The following CNKSR2 variants were observed in gnomAD, a reference collection of about 807,000 sequenced individuals.
The protein encoded by CNKSR2 is CNK homolog protein 2.
A neutral mutation model predicts 84.4 loss-of-function variants in CNKSR2; 14 were observed. That is an observed-to-expected ratio of 0.17 (90% CI 0.11 to 0.26). CNKSR2 has a LOEUF of 0.26. Among genes scored for constraint, CNKSR2 ranks in the 10% least tolerant of loss-of-function variants. The pLI is 1.00. For synonymous variants in CNKSR2, 275 were observed against 277.9 expected (o/e 0.99, Z 0.10); for missense variants, 485 against 771.2 (o/e 0.63, Z 4.40).
intron 13 of CNKSR2, among the ~76,000 whole-genome samples, chrX:21,578,951 A>G (rs1372711997): frequency 8.9e-6 from 1 of 111,827 alleles, no homozygotes; most frequent in African/African-American, 3.2e-5. Context: ...AACTTCAACA[A>G]GAAGCTGGTA....
At chrX:21,552,239 T>C (rs1231227442) in intron 11 of CNKSR2, among the ~76,000 whole-genome samples, 1 of 111,668 alleles carries the variant, frequency 9.0e-6, no homozygotes, top group Non-Finnish European at 1.9e-5. Flanking sequence ...TTCTGAAAGA[T>C]AGCCTATGGA....
intron 9 of CNKSR2, among the ~76,000 whole-genome samples, chrX:21,519,713 T>G (rs2091763534): frequency 9.0e-6 from 1 of 111,224 alleles, no homozygotes; most frequent in Admixed American, 9.6e-5. Context: ...ATCTGTGGCG[T>G]TTATTTAACT....
intron 10 of CNKSR2, among the ~76,000 whole-genome samples, chrX:21,530,140 G>T (rs1223661713): frequency 9.0e-6 from 1 of 111,580 alleles, no homozygotes; most frequent in African/African-American, 3.2e-5. Context: ...CAAGCTGAAA[G>T]AAAATTCTGC....
At chrX:21,622,618 ATG>A (rs1569279751) in intron 20 of CNKSR2, among the ~76,000 whole-genome samples, 3 of 111,697 alleles carry the variant, frequency 2.7e-5, no homozygotes, top group Non-Finnish European at 5.7e-5. Context: ...AAATTACATA[ATG>A]TGTTTCTTTT....
intron 6 of CNKSR2, among the ~76,000 whole-genome samples, chrX:21,496,378 G>A (rs189128866): frequency 6.2e-4 from 69 of 111,797 alleles, no homozygotes; most frequent in African/African-American, 2.0e-3. Flanking sequence ...CCTGTCACCA[G>A]TGTAAGGCTG....
chrX:21,431,281 T>A (rs2090630738), intron 2 of CNKSR2, among the ~76,000 whole-genome samples: 1 of 111,692 alleles, frequency 9.0e-6, no homozygotes, highest in Non-Finnish European at 1.9e-5. Context: ...TTTTTCACCC[T>A]TCATCTTCCA....
chrX:21,456,319 G>A (rs1266102613), intron 4 of CNKSR2, among the ~76,000 whole-genome samples: 1 of 111,332 alleles, frequency 9.0e-6, no homozygotes, highest in African/African-American at 3.3e-5. Flanking sequence ...TAGGTCTCCA[G>A]AACTATTCAT....
chrX:21,627,653 G>T (rs1333032536), intron 20 of CNKSR2, among the ~76,000 whole-genome samples: 1 of 111,884 alleles, frequency 8.9e-6, no homozygotes, highest in Non-Finnish European at 1.9e-5. Context: ...AGAGCTTGTG[G>T]AGGGAAACTC....
chrX:21,432,573 C>A, intron 2 of CNKSR2, 39 bp from the exon 3 acceptor site: 1 of 951,491 alleles, frequency 1.1e-6, no homozygotes, highest in Non-Finnish European at 1.5e-6. Context: ...ATGAATAAAA[C>A]TGACTTTAAA....
intron 4 of CNKSR2, among the ~76,000 whole-genome samples, chrX:21,460,311 A>G (rs1165728044): frequency 1.8e-5 from 2 of 112,233 alleles, no homozygotes; most frequent in Non-Finnish European, 3.8e-5. Flanking sequence ...CATCTCTACT[A>G]TACCATTCAT....
intron 4 of CNKSR2, among the ~76,000 whole-genome samples, chrX:21,445,224 A>G (rs1447762111): frequency 9.0e-6 from 1 of 111,671 alleles, no homozygotes; most frequent in African/African-American, 3.2e-5. Context: ...GACAAGCTTT[A>G]TATGCATTTT....
rs150448026 is a variant in CNKSR2 at position 21,377,604 on chromosome X, A to G, written c.64+2643A>G. Among the ~76,000 whole-genome samples the G allele has an allele frequency of 3.9e-3, 431 of 111,873 alleles. 2 individuals are homozygous for G. Among genetic ancestry groups the G allele is most frequent in the Admixed American group, 9.0e-3 (95 of 10,569 alleles). On this transcript the variant is annotated intron_variant, in intron 1 of 21. Transcript: ENST00000379510. ...ATCCTTAGCATTAAAAGCATATAGTATATGCTTTCAGCTGGTCACAATCAT... is the reference window on the plus strand; with the variant it reads ...ATCCTTAGCATTAAAAGCATATAGTGTATGCTTTCAGCTGGTCACAATCAT...
At chrX:21,557,180 A>G (rs1395912739) in intron 11 of CNKSR2, among the ~76,000 whole-genome samples, 2 of 111,228 alleles carry the variant, frequency 1.8e-5, no homozygotes, top group African/African-American at 6.5e-5. Flanking sequence ...TGAGGTAAAA[A>G]TTAGTTTATT....
intron 1 of CNKSR2, among the ~76,000 whole-genome samples, chrX:21,411,104 T>TAA (rs1171798167): frequency 9.0e-6 from 1 of 111,507 alleles, no homozygotes; most frequent in African/African-American, 3.3e-5. Context: ...TGATCGGCTG[T>TAA]AACTTCTAAT....
chrX:21,460,992 C>T (rs1473552613), intron 4 of CNKSR2, among the ~76,000 whole-genome samples: 2 of 112,690 alleles, frequency 1.8e-5, no homozygotes, highest in African/African-American at 6.4e-5. Context: ...CTGCAAAAAA[C>T]ATGAAAGTGC....
intron 6 of CNKSR2, chrX:21,494,367 T>C (rs1463075184): frequency 8.9e-6 from 1 of 112,336 alleles, no homozygotes; most frequent in African/African-American, 3.2e-5. Flanking sequence ...GTTGTCAAGA[T>C]GTTGACAGCT....
intron 1 of CNKSR2, chrX:21,421,818 G>A (rs1171783031): frequency 9.0e-6 from 1 of 110,712 alleles, no homozygotes; most frequent in African/African-American, 3.3e-5. Context: ...CCAGGGTTCT[G>A]TGCTGGGGAG....
intron 20 of CNKSR2, chrX:21,645,543 T>G (rs1602071256): frequency 8.9e-6 from 1 of 111,787 alleles, no homozygotes; most frequent in South Asian, 3.7e-4. Flanking sequence ...TTGAATGTGG[T>G]CTCTACACTT....
rs1227695323 is a variant in CNKSR2, at chrX:21,543,261, A to G, written c.1303+11194A>G. ...AAGAAAATAGGATTCTACCCATGGG[A>G]AATTTTTGTGTTCAAGTAAAATGTA... On this transcript the variant is annotated intron_variant, in intron 11 of 21. Coordinates refer to ENST00000379510, the MANE Select transcript of CNKSR2 (RefSeq NM_014927.5). 3.6e-5 allele frequency among the ~76,000 whole-genome samples: 4 copies of G among 112,661 alleles called. No individual in the cohort carries two copies. In the East Asian group the frequency reaches 1.1e-3, roughly 31 times the overall value.
Sources: gnomAD v4.1 joint callset for allele counts (sites outside exome capture counted in the v4.1 genomes callset) on GRCh38, gnomAD v4.1.1 for gene constraint, MANE v1.5 for transcripts, NCBI Gene and HGNC (gene_info 2026-07-23, HGNC 2026-07-21) for gene names.